The following APBB2 variants were observed in gnomAD, a reference collection of about 807,000 sequenced individuals.
The protein encoded by APBB2 is amyloid beta precursor protein binding family B member 2, also known as Fe65-like 1.
A neutral mutation model predicts 82.5 loss-of-function variants in APBB2; 38 were observed. That is an observed-to-expected ratio of 0.46 (90% CI 0.36 to 0.60). The LOEUF is 0.60. Among genes scored for constraint, APBB2 ranks in the 20% least tolerant of loss-of-function variants. The probability of loss-of-function intolerance (pLI) is 0.00; values close to 1 mark genes in which losing one functional copy is unlikely to be tolerated. For synonymous variants in APBB2, 341 were observed against 368.2 expected (o/e 0.93, Z 0.85); for missense variants, 772 against 972.3 (o/e 0.79, Z 2.74).
intron 1 of APBB2, among the ~76,000 whole-genome samples, chr4:41,203,068 G>A (rs1478800486): frequency 2.7e-5 from 4 of 146,036 alleles, no homozygotes; most frequent in African/African-American, 1.0e-4. Context: ...ATTCTCCTCA[G>A]TTTTTTTTTT....
intron 1 of APBB2, among the ~76,000 whole-genome samples, chr4:41,149,186 A>G (rs1295817229): frequency 6.6e-6 from 1 of 152,186 alleles, no homozygotes; most frequent in Non-Finnish European, 1.5e-5. Flanking sequence ...AGGAAAAAAG[A>G]ACACATGCTG....
At chr4:40,824,067 G>A (rs1748990101) in intron 15 of APBB2, among the ~76,000 whole-genome samples, 1 of 152,118 alleles carries the variant, frequency 6.6e-6, no homozygotes, top group South Asian at 2.1e-4. Context: ...GGACATGCTT[G>A]CTTGAACCCA....
chr4:40,970,037 C>T (rs984900864), intron 6 of APBB2, among the ~76,000 whole-genome samples: 5 of 152,272 alleles, frequency 3.3e-5, no homozygotes, highest in African/African-American at 1.2e-4. Context: ...AACCTGCCTA[C>T]GTCAGAGGGG....
At chr4:41,084,278 A>T (rs904141787) in intron 3 of APBB2, among the ~76,000 whole-genome samples, 7 of 152,068 alleles carry the variant, frequency 4.6e-5, no homozygotes, top group African/African-American at 1.7e-4. Context: ...TACAAAATTA[A>T]CCAGGCATGG....
At chr4:40,913,651 G>A (rs1273805930) in intron 10 of APBB2, among the ~76,000 whole-genome samples, 6 of 152,318 alleles carry the variant, frequency 3.9e-5, no homozygotes, top group Non-Finnish European at 7.3e-5. Context: ...CAATGCACAT[G>A]TTCCTAGCTG....
intron 10 of APBB2, among the ~76,000 whole-genome samples, chr4:40,904,494 C>A (rs538450219): frequency 1.2e-4 from 18 of 151,716 alleles, no homozygotes; most frequent in Non-Finnish European, 2.5e-4. Context: ...GAGCAAAGGG[C>A]TATGACCTAA....
chr4:40,818,241 C>T (rs1343711903), intron 17 of APBB2, among the ~76,000 whole-genome samples: 3 of 152,036 alleles, frequency 2.0e-5, no homozygotes, highest in African/African-American at 4.8e-5. Flanking sequence ...GGATTCAGAG[C>T]GGGCAGGAGA....
intron 3 of APBB2, among the ~76,000 whole-genome samples, chr4:41,098,494 G>C (rs768759798): frequency 6.6e-6 from 1 of 152,106 alleles, no homozygotes; most frequent in Non-Finnish European, 1.5e-5. Flanking sequence ...TTAACATCAA[G>C]TTTAGTACAC....
At chr4:40,902,104 G>GT (rs1775463198) in intron 10 of APBB2, among the ~76,000 whole-genome samples, 1 of 152,104 alleles carries the variant, frequency 6.6e-6, no homozygotes, top group Non-Finnish European at 1.5e-5. Context: ...TTTCAATGTT[G>GT]TTTTGCTATA....
rs114621324 is a variant in APBB2, at chr4:40,839,567, T to C, written c.1530-8990A>G. Among the ~76,000 whole-genome samples, 587 of 152,284 alleles carry C rather than the reference T, an allele frequency of 3.9e-3. 3 individuals carry two copies. The highest frequency in any genetic ancestry group is 0.013 in the African/African-American group (550 of 41,546). ...GTGAAGGCTGGCACATGATAGGCAT[T>C]CAATAAATGGTAGGTACCATATTAT... is the stretch of plus-strand genomic sequence containing the variant. On this transcript the variant is annotated intron_variant, in intron 12 of 17. Coordinates refer to ENST00000508593, the MANE Select transcript of APBB2 (RefSeq NM_004307.2).
At chr4:41,105,257 G>T (rs1037170694) in intron 2 of APBB2, among the ~76,000 whole-genome samples, 1 of 151,998 alleles carries the variant, frequency 6.6e-6, no homozygotes, top group East Asian at 1.9e-4. Context: ...TGCTGACACC[G>T]ATGAAAAACA....
chr4:41,029,811 T>C lies in APBB2; in HGVS notation c.19+3425A>G, dbSNP rs77165936. Among the ~76,000 whole-genome samples the C allele has an allele frequency of 2.6e-3, 398 of 152,290 alleles. 2 individuals are homozygous for C. The highest frequency in any genetic ancestry group is 4.7e-3 in the Non-Finnish European group (320 of 68,026). On this transcript the variant is annotated intron_variant, in intron 5 of 17. Coordinates refer to ENST00000508593, the MANE Select transcript of APBB2 (RefSeq NM_004307.2). ...TGGCTGAAGTTGGCAGAGGGTCTTA[T>C]GAGAACACCATGTTAGGGATGAGGA...
At chr4:41,174,266 A>C (rs146401786) in intron 1 of APBB2, among the ~76,000 whole-genome samples, 96 of 152,352 alleles carry the variant, frequency 6.3e-4, no homozygotes, top group African/African-American at 2.1e-3. Flanking sequence ...AATATAATAC[A>C]TACAAGCATG....
chr4:40,930,476 C>T (rs991443421), intron 10 of APBB2, among the ~76,000 whole-genome samples: 5 of 137,798 alleles, frequency 3.6e-5, no homozygotes, highest in Admixed American at 2.8e-4. Context: ...CGTGCGCGTG[C>T]GCGTATGCGT....
chr4:41,108,086 C>A (rs1747894727), intron 2 of APBB2, among the ~76,000 whole-genome samples: 1 of 152,140 alleles, frequency 6.6e-6, no homozygotes, highest in Non-Finnish European at 1.5e-5. Context: ...GTCATAATCT[C>A]TACAACTAAC....
chr4:40,981,359 C>A (rs924489993), intron 6 of APBB2, among the ~76,000 whole-genome samples: 1 of 149,758 alleles, frequency 6.7e-6, no homozygotes. Context: ...TCTGGCCTGG[C>A]GACAGAGTGA....
intron 12 of APBB2, among the ~76,000 whole-genome samples, chr4:40,858,687 T>C (rs970431227): frequency 1.3e-5 from 2 of 152,190 alleles, no homozygotes; most frequent in Admixed American, 6.5e-5. Flanking sequence ...TCAGGTGTTT[T>C]CTCATTTGTT....
At chr4:41,187,270 G>T (rs1773154861) in intron 1 of APBB2, among the ~76,000 whole-genome samples, 1 of 152,046 alleles carries the variant, frequency 6.6e-6, no homozygotes, top group Non-Finnish European at 1.5e-5. Flanking sequence ...TTTAAAAAAT[G>T]GCTTTTTATA....
intron 1 of APBB2, among the ~76,000 whole-genome samples, chr4:41,209,923 G>A (rs893331566): frequency 2.8e-4 from 42 of 152,176 alleles, no homozygotes; most frequent in African/African-American, 5.1e-4. Flanking sequence ...TCCAGACAGC[G>A]TTCATGGAAG....
Sources: allele counts gnomAD v4.1 joint callset (sites outside exome capture counted in the v4.1 genomes callset), GRCh38; gene constraint gnomAD v4.1.1; transcripts MANE v1.5; gene names NCBI Gene and HGNC (gene_info 2026-07-23, HGNC 2026-07-21).